PROX1: variants seen among roughly 807,000 people sequenced by gnomAD.
PROX1 encodes prospero homeobox protein 1.
PROX1 carries 7 observed loss-of-function variants against 58.8 expected under a neutral mutation model. The observed-to-expected ratio is 0.12, with a 90% CI of 0.07 to 0.22. The LOEUF (loss-of-function observed/expected upper bound fraction) is 0.22, where lower values mean the gene tolerates loss of function less well. PROX1 is among the 10% of genes least tolerant of loss of function. PROX1 has a pLI of 1.00. For synonymous variants in PROX1, 350 were observed against 358.3 expected (o/e 0.98, Z 0.26); for missense variants, 675 against 927.8 (o/e 0.73, Z 3.54).
At chr1:214,034,390 T>C (rs1245931059) in intron 4 of PROX1, among the ~76,000 whole-genome samples, 1 of 152,232 alleles carries the variant, frequency 6.6e-6, no homozygotes, top group Non-Finnish European at 1.5e-5. Context: ...TAGATAAATA[T>C]GGCTACATGT....
chr1:213,996,882 T>C lies in PROX1; in HGVS notation c.347T>C (p.Leu116Pro). The C allele has an allele frequency of 6.2e-7, 1 of 1,614,032 alleles. No homozygotes were observed. Among genetic ancestry groups the C allele is most frequent in the Non-Finnish European group, 8.5e-7 (1 of 1,180,002 alleles). The change falls in exon 2 of 5, where the codon CTC becomes CCC. Residue 116 changes from leucine (L) to proline (P), a missense_variant. By Grantham distance (98) the Leu-to-Pro change is moderately conservative. Transcript: ENST00000366958. ...GTEPSFQASG[L>P]SSTGSEVHQE... ...GAGCCCAGTTTCCAAGCCAGCGGTC[T>C]CTCTAGTACAGGCTCCGAAGTACAT...
At chr1:214,019,671 T>C (rs1393563543) in intron 4 of PROX1, among the ~76,000 whole-genome samples, 1 of 152,206 alleles carries the variant, frequency 6.6e-6, no homozygotes, top group African/African-American at 2.4e-5. Context: ...GTGTACAGTC[T>C]GGTCTGTGAC....
intron 1 of PROX1, among the ~76,000 whole-genome samples, 191 bp from the exon 2 acceptor site, chr1:213,996,278 A>G (rs1663260297): frequency 6.6e-6 from 1 of 152,050 alleles, no homozygotes; most frequent in African/African-American, 2.4e-5. Context: ...ATCTTAATCC[A>G]TCTTAAACCA....
At chr1:213,990,005 T>C (rs1662964628) in intron 1 of PROX1, among the ~76,000 whole-genome samples, 1 of 151,878 alleles carries the variant, frequency 6.6e-6, no homozygotes, top group South Asian at 2.1e-4. Context: ...TTTTTATTTT[T>C]CCGAGAAGAT....
rs1490236299 is a variant in PROX1, at chr1:214,008,385, T to C, written c.1833+3113T>C. Among the ~76,000 whole-genome samples, 6 of 151,546 alleles carry C rather than the reference T, an allele frequency of 4.0e-5. No individual in the cohort carries two copies. The East Asian group carries it at 9.7e-4, about 25-fold the overall frequency. The stretch of plus-strand genomic sequence containing the variant: ...ATTTTATTTAGTGATCATAAGTTCA[T>C]TTTGCAAGCAAAAACAAAAAACAAA... On this transcript the variant is annotated intron_variant, in intron 3 of 4. Coordinates refer to ENST00000366958, the MANE Select transcript of PROX1 (RefSeq NM_001270616.2).
upstream of PROX1, chr1:213,985,428 C>G (rs2102669494): frequency 6.6e-6 from 1 of 152,414 alleles, no homozygotes; most frequent in Middle Eastern, 3.4e-3. Context: ...AGGGCTGCGC[C>G]GAGGCAGCTC....
intron 4 of PROX1, among the ~76,000 whole-genome samples, chr1:214,013,903 T>G (rs1664004628): frequency 1.3e-5 from 2 of 152,306 alleles, no homozygotes; most frequent in African/African-American, 4.8e-5. Context: ...TGATTCCTCC[T>G]TCAGTGAAAA....
chr1:214,008,081 C>T (rs2102722929), intron 3 of PROX1, among the ~76,000 whole-genome samples: 1 of 151,380 alleles, frequency 6.6e-6, no homozygotes, highest in African/African-American at 2.4e-5. Context: ...GACGGAATTT[C>T]ACTCTTGTCA....
chr1:213,998,017 G>C lies in PROX1; in HGVS notation c.1482G>C (p.Gln494His). ...TTCCCTTGATGGCCTATCCATTTCA[G>C]AGCCCATTAGGTGCTCCCTCCGGCT... Reference protein sequence around the residue: ...FPLPLMAYPFQSPLGAPSGSF... With the variant: ...FPLPLMAYPFHSPLGAPSGSF... The change falls in exon 2 of 5, where the codon CAG becomes CAC. Residue 494 changes from glutamine to histidine, a missense_variant. By Grantham distance (24) the Gln-to-His change is conservative. This residue lies in a region of PROX1 where 403 missense variants were observed against 477.4 expected (regional missense o/e 0.84). Coordinates refer to ENST00000366958, the MANE Select transcript of PROX1 (RefSeq NM_001270616.2). The C allele has an allele frequency of 6.2e-7, 1 of 1,612,674 alleles. No individual in the cohort carries two copies. Among genetic ancestry groups the C allele is most frequent in the Non-Finnish European group, 8.5e-7 (1 of 1,179,230 alleles).
chr1:214,039,051 C>T lies in PROX1; in HGVS notation c.*3217C>T, dbSNP rs1041392525. The T allele has an allele frequency of 6.6e-5, 10 of 151,976 alleles. No individual in the cohort carries two copies. Among genetic ancestry groups the T allele is most frequent in the African/African-American group, 2.2e-4 (9 of 41,356 alleles). 9.4% of individuals were successfully genotyped at this position (151,976 alleles called of 1,614,324 possible). On this transcript the variant is annotated 3_prime_UTR_variant, in exon 5 of 5. Coordinates refer to ENST00000366958, the MANE Select transcript of PROX1 (RefSeq NM_001270616.2). Reference sequence around the variant, plus strand: ...TCATACCATGTGCTATATATGTGTGCGCAGATGTGTGAACATAAAATCACA... The same window carrying T: ...TCATACCATGTGCTATATATGTGTGTGCAGATGTGTGAACATAAAATCACA...
intron 4 of PROX1, among the ~76,000 whole-genome samples, chr1:214,034,829 A>C (rs1377353479): frequency 6.6e-6 from 1 of 152,158 alleles, no homozygotes; most frequent in Non-Finnish European, 1.5e-5. Context: ...TCAGTTTTCT[A>C]TTGTGTAACT....
rs780968218 is a variant in PROX1 at position 213,996,502 on chromosome 1, G to A, written c.-34G>A. The stretch of plus-strand genomic sequence containing the variant: ...GATTCTTGAGCTGTGCCCAGCTGAC[G>A]AGCTTTTGAAGATGGCACAATAACC... On this transcript the variant is annotated 5_prime_UTR_variant, in exon 2 of 5. Coordinates refer to ENST00000366958, the MANE Select transcript of PROX1 (RefSeq NM_001270616.2). The A allele has an allele frequency of 7.6e-6, 12 of 1,580,134 alleles. No homozygotes were observed. In the African/African-American group the frequency reaches 9.5e-5, roughly 12 times the overall value.
chr1:213,989,460 A>C (rs1662942450), intron 1 of PROX1, among the ~76,000 whole-genome samples: 1 of 151,790 alleles, frequency 6.6e-6, no homozygotes. Context: ...CATCGCTGGC[A>C]GACTATGGTG....
chr1:214,010,795 T>C (rs1663880846), intron 3 of PROX1, among the ~76,000 whole-genome samples: 1 of 152,216 alleles, frequency 6.6e-6, no homozygotes, highest in Non-Finnish European at 1.5e-5. Flanking sequence ...ATGCCATCTG[T>C]GTACTGTGTC....
intron 3 of PROX1, among the ~76,000 whole-genome samples, chr1:214,007,071 T>G (rs949228570): frequency 3.3e-5 from 5 of 152,170 alleles, no homozygotes; most frequent in Non-Finnish European, 7.4e-5. Context: ...TGCGTGCATG[T>G]GTGTGGTGTG....
intron 4 of PROX1, among the ~76,000 whole-genome samples, chr1:214,017,551 G>A (rs1227339909): frequency 6.6e-6 from 1 of 150,454 alleles, no homozygotes; most frequent in Non-Finnish European, 1.5e-5. Flanking sequence ...AACCTACCCT[G>A]TGGCTTTTCT....
At chr1:214,032,546 A>T (rs1408007399) in intron 4 of PROX1, among the ~76,000 whole-genome samples, 1 of 152,102 alleles carries the variant, frequency 6.6e-6, no homozygotes, top group Non-Finnish European at 1.5e-5. Flanking sequence ...GGCATGTGCC[A>T]CCACACCCAG....
chr1:213,993,069 T>C (rs1221321737), intron 1 of PROX1, among the ~76,000 whole-genome samples: 1 of 152,206 alleles, frequency 6.6e-6, no homozygotes, highest in Non-Finnish European at 1.5e-5. Context: ...GAATCTGCTA[T>C]GTTAAGATAT....
At chr1:213,994,750 A>AATATATATATATAT (rs66460564) in intron 1 of PROX1, among the ~76,000 whole-genome samples, 20 of 88,300 alleles carry the variant, frequency 2.3e-4, no homozygotes, top group South Asian at 4.8e-4. Context: ...CAAGCATGCA[A>AATATATATATATAT]ATATATATAT....
Sources: gnomAD v4.1 joint callset for allele counts (sites outside exome capture counted in the v4.1 genomes callset) on GRCh38, gnomAD v4.1.1 for gene constraint, gnomAD v4.1.1 regional missense constraint, MANE v1.5 for transcripts, NCBI Gene and HGNC (gene_info 2026-07-23, HGNC 2026-07-21) for gene names.